The following FMN1 variants were observed in gnomAD, a reference collection of about 807,000 sequenced individuals.
The protein encoded by FMN1 is formin-1.
FMN1 carries 110 observed loss-of-function variants against 132.4 expected under a neutral mutation model. The ratio of observed to expected loss-of-function variants is 0.83; its 90% CI spans 0.71 to 0.97. The LOEUF is 0.97. Ranked by LOEUF, FMN1 falls within the 50% of genes least tolerant of loss-of-function variation. The pLI is 0.00. For missense variants in FMN1, 1,792 were observed against 1,705.3 expected (o/e 1.05, Z -0.90); for synonymous variants, 722 against 651.7 (o/e 1.11, Z -1.64).
Position 33,081,803 on chromosome 15 carries a change from C to T in FMN1, c.2043+6996G>A, listed in dbSNP as rs1199232760. Among the ~76,000 whole-genome samples the T allele has an allele frequency of 2.0e-5, 3 of 152,074 alleles. No individual in the cohort carries two copies. In the East Asian group the frequency reaches 5.8e-4, roughly 29 times the overall value. On this transcript the variant is annotated intron_variant, in intron 5 of 20. Coordinates refer to ENST00000616417, the MANE Select transcript of FMN1 (RefSeq NM_001277313.2). Reference sequence around the variant, plus strand: ...CAGGGTCTGGCCTTTAGGAAGTGATCGGTAAGACATGGAGGTTCTTATTAC... The same window carrying T: ...CAGGGTCTGGCCTTTAGGAAGTGATTGGTAAGACATGGAGGTTCTTATTAC...
At chr15:33,050,194 T>G (rs547686959) in intron 6 of FMN1, among the ~76,000 whole-genome samples, 368 of 152,332 alleles carry the variant, frequency 2.4e-3, no homozygotes, top group Non-Finnish European at 4.1e-3. Context: ...CTTACAATAT[T>G]CTCAACTTAT....
intron 3 of FMN1, among the ~76,000 whole-genome samples, chr15:33,161,894 G>C (rs867936107): frequency 6.6e-6 from 1 of 150,468 alleles, no homozygotes; most frequent in Non-Finnish European, 1.5e-5. Context: ...CTCCAGCCTG[G>C]GTGACAGAGC....
chr15:32,794,856 A>G (rs2057226508), intron 19 of FMN1, among the ~76,000 whole-genome samples: 1 of 152,180 alleles, frequency 6.6e-6, no homozygotes, highest in Non-Finnish European at 1.5e-5. Context: ...TGAGCAGAGA[A>G]AAAAACGTTT....
intron 4 of FMN1, among the ~76,000 whole-genome samples, chr15:33,091,108 A>T (rs1461676286): frequency 6.6e-6 from 1 of 152,220 alleles, no homozygotes; most frequent in Non-Finnish European, 1.5e-5. Context: ...TAATAAAACA[A>T]TATAAAACAT....
intron 4 of FMN1, among the ~76,000 whole-genome samples, chr15:33,128,427 T>C (rs767049722): frequency 6.6e-6 from 1 of 152,204 alleles, no homozygotes; most frequent in Non-Finnish European, 1.5e-5. Flanking sequence ...TCATTCTTTC[T>C]ACCTCCTAAA....
chr15:33,106,782 C>A (rs1260713942), intron 4 of FMN1, among the ~76,000 whole-genome samples: 2 of 152,072 alleles, frequency 1.3e-5, no homozygotes, highest in Non-Finnish European at 2.9e-5. Context: ...AGCATCCCCT[C>A]CCCAATCCCT....
At chr15:32,893,511 G>A (rs557812277) in intron 15 of FMN1, among the ~76,000 whole-genome samples, 177 of 152,368 alleles carry the variant, frequency 1.2e-3, no homozygotes, top group African/African-American at 3.9e-3. Flanking sequence ...AAATTTCACA[G>A]ACCAAGACTT....
Position 33,134,235 on chromosome 15 carries a change from C to T in FMN1, c.1867+18813G>A, listed in dbSNP as rs187220354. ...AAGAGCTGGGATTACAAGTGTGAGC[C>T]ACTACACCCAGCCAATTTACAATTT... On this transcript the variant is annotated intron_variant, in intron 4 of 20. Transcript: ENST00000616417. Among the ~76,000 whole-genome samples, 374 of 152,238 alleles carry T rather than the reference C, an allele frequency of 2.5e-3. 1 individual carries two copies. In the Middle Eastern group the frequency reaches 0.027, roughly 11 times the overall value.
At chr15:33,157,799 T>C (rs1015833349) in intron 3 of FMN1, among the ~76,000 whole-genome samples, 4 of 152,018 alleles carry the variant, frequency 2.6e-5, no homozygotes, top group African/African-American at 9.7e-5. Flanking sequence ...GAGACCAGTC[T>C]GGGGAACATA....
At chr15:32,821,981 A>G (rs953046919) in intron 17 of FMN1, among the ~76,000 whole-genome samples, 4 of 152,076 alleles carry the variant, frequency 2.6e-5, no homozygotes, top group Non-Finnish European at 4.4e-5. Flanking sequence ...TGCTTTAACC[A>G]TTATTTTATA....
At chr15:33,021,198 G>T (rs1015188309) in intron 6 of FMN1, among the ~76,000 whole-genome samples, 2 of 152,150 alleles carry the variant, frequency 1.3e-5, no homozygotes, top group Admixed American at 1.3e-4. Flanking sequence ...CAGCAGTCAA[G>T]AACAGCCTGA....
In FMN1 at chr15:32,933,167, T is replaced by C. The variant is rs115989437; in HGVS notation, c.3139-6906A>G. Among the ~76,000 whole-genome samples the C allele has an allele frequency of 7.2e-3, 1,096 of 152,300 alleles. 15 individuals carry two copies. The highest frequency in any genetic ancestry group is 0.025 in the African/African-American group (1,040 of 41,574). On this transcript the variant is annotated intron_variant, in intron 9 of 20. Coordinates refer to ENST00000616417, the MANE Select transcript of FMN1 (RefSeq NM_001277313.2). The stretch of plus-strand genomic sequence containing the variant: ...TTATTGCATCCCATATGTTTTGGTA[T>C]GTTGTATTTTTGTTTCTGTTTGTCA...
intron 17 of FMN1, among the ~76,000 whole-genome samples, chr15:32,807,557 C>T (rs893045061): frequency 2.0e-5 from 3 of 152,202 alleles, no homozygotes; most frequent in Non-Finnish European, 4.4e-5. Context: ...TCTGCTCTCT[C>T]AGCAGATGGT....
intron 11 of FMN1, among the ~76,000 whole-genome samples, chr15:32,908,995 TCTTTC>T (rs1405634058): frequency 6.6e-6 from 1 of 152,222 alleles, no homozygotes; most frequent in African/African-American, 2.4e-5. Context: ...AACTCGCAGC[TCTTTC>T]ATTTCTAGTC....
intron 4 of FMN1, among the ~76,000 whole-genome samples, chr15:33,109,840 TAA>T (rs66923699): frequency 6.8e-6 from 1 of 146,640 alleles, no homozygotes; most frequent in African/African-American, 2.5e-5. Context: ...AAATGAAAGT[TAA>T]AAAAAAAAAA....
At chr15:32,888,426 G>A (rs2059946059) in intron 15 of FMN1, 134 bp from the exon 16 acceptor site, 1 of 704,522 alleles carries the variant, frequency 1.4e-6, no homozygotes, top group African/African-American at 1.8e-5. Flanking sequence ...ATGCTCCTCT[G>A]CTATTCCTAA....
At chr15:32,890,732 T>G (rs2060007317) in intron 15 of FMN1, among the ~76,000 whole-genome samples, 1 of 152,232 alleles carries the variant, frequency 6.6e-6, no homozygotes, top group Admixed American at 6.5e-5. Context: ...GTACCAAAGC[T>G]CTTTGGTTTA....
intron 7 of FMN1, among the ~76,000 whole-genome samples, chr15:33,000,868 G>A (rs1231378976): frequency 6.6e-6 from 1 of 152,178 alleles, no homozygotes; most frequent in Non-Finnish European, 1.5e-5. Flanking sequence ...TTTGTCAAGA[G>A]GCATTTCAAA....
chr15:33,018,656 G>A (rs1014044492), intron 6 of FMN1, among the ~76,000 whole-genome samples: 3 of 152,184 alleles, frequency 2.0e-5, no homozygotes. Context: ...CGGAATTGGT[G>A]TGTTCTTGGT....
Sources: allele counts gnomAD v4.1 joint callset (sites outside exome capture counted in the v4.1 genomes callset), GRCh38; gene constraint gnomAD v4.1.1; transcripts MANE v1.5; gene names NCBI Gene and HGNC (gene_info 2026-07-23, HGNC 2026-07-21).